Variants in MRPL48 observed in about 807,000 individuals in gnomAD.
MRPL48 encodes the protein mitochondrial ribosomal protein L48, also known as large ribosomal subunit protein mL48.
MRPL48 carries 16 observed loss-of-function variants against 32.9 expected under a neutral mutation model. That is an observed-to-expected ratio of 0.49 (90% CI 0.33 to 0.74). The LOEUF (loss-of-function observed/expected upper bound fraction) is 0.74. Among genes scored for constraint, MRPL48 ranks in the 30% least tolerant of loss-of-function variants. MRPL48 has a pLI of 0.02. For missense variants in MRPL48, 206 were observed against 245.3 expected (o/e 0.84, Z 1.07); for synonymous variants, 94 against 89.2 (o/e 1.05, Z -0.31).
Position 73,844,798 on chromosome 11 carries a change from T to C in MRPL48, c.202-9T>C, listed in dbSNP as rs1425461987. The C allele has an allele frequency of 6.2e-7, 1 of 1,607,280 alleles. No individual in the cohort carries two copies. The highest frequency in any genetic ancestry group is 2.2e-5 in the East Asian group (1 of 44,846). On this transcript the variant is annotated splice_polypyrimidine_tract_variant and intron_variant, in intron 4 of 7. Transcript: ENST00000310614. ...CTTTATTTTCTTTCTCTCTTTGTTT[T>C]CTCTTCAGCCCAAGAAGAAGAAGGG...
intron 5 of MRPL48, among the ~76,000 whole-genome samples, chr11:73,853,706 T>TC (rs1948439198): frequency 9.8e-6 from 1 of 102,276 alleles, no homozygotes; most frequent in Non-Finnish European, 1.8e-5. Flanking sequence ...TTTTTTTTTT[T>TC]TTGAGATGGA....
chr11:73,862,317 G>T (rs1486298061), intron 6 of MRPL48, among the ~76,000 whole-genome samples: 1 of 152,220 alleles, frequency 6.6e-6, no homozygotes, highest in African/African-American at 2.4e-5. Context: ...AGCTACTCAG[G>T]AGGCTGAGGC....
chr11:73,857,482 G>T (rs1948503688), intron 5 of MRPL48, among the ~76,000 whole-genome samples: 1 of 150,558 alleles, frequency 6.6e-6, no homozygotes, highest in African/African-American at 2.4e-5. Flanking sequence ...GTCTCAGTAG[G>T]TTGCCCAGGC....
At chr11:73,817,784 ATATT>A (rs903896296) in intron 3 of MRPL48, 37 of 376,578 alleles carry the variant, frequency 9.8e-5, no homozygotes, top group African/African-American at 6.9e-4. Context: ...GTTCTTTCAG[ATATT>A]TATTTTTGTT....
intron 3 of MRPL48, among the ~76,000 whole-genome samples, chr11:73,808,999 A>G (rs776973460): frequency 2.0e-5 from 3 of 152,002 alleles, no homozygotes; most frequent in Admixed American, 1.3e-4. Context: ...TTAAAAATTA[A>G]CTGGGTGTGG....
intron 3 of MRPL48, among the ~76,000 whole-genome samples, chr11:73,816,256 T>C (rs1012090138): frequency 8.0e-5 from 12 of 149,846 alleles, no homozygotes; most frequent in Non-Finnish European, 1.8e-4. Context: ...AGAGACGGGG[T>C]TTCACCATGT....
chr11:73,864,321 G>A lies in MRPL48; in HGVS notation c.590G>A (p.Arg197Gln), dbSNP rs946713776. The change falls in exon 8 of 8, where the codon CGA becomes CAA. Residue 197 changes from arginine (R) to glutamine (Q), a missense_variant. By Grantham distance (43) the Arg-to-Gln change is conservative. Transcript: ENST00000310614. ...CACACTGAAGAAGACTTCAAGGGAC[G>A]ATTCAAAGCTCGACCAGAACTGGAA... Reference protein sequence around the residue: ...KEHTEEDFKGRFKARPELEEL... With the variant: ...KEHTEEDFKGQFKARPELEEL... 11 of 1,613,842 alleles carry A rather than the reference G, an allele frequency of 6.8e-6. No homozygotes were observed. Among genetic ancestry groups the A allele is most frequent in the African/African-American group, 1.3e-5 (1 of 75,028 alleles).
At chr11:73,821,456 C>G (rs923382495) in intron 3 of MRPL48, among the ~76,000 whole-genome samples, 3 of 152,160 alleles carry the variant, frequency 2.0e-5, no homozygotes, top group African/African-American at 7.2e-5. Context: ...CCTTCCTAAG[C>G]CTTGCCTGTT....
At chr11:73,806,269 A>T (rs1419383132) in intron 2 of MRPL48, among the ~76,000 whole-genome samples, 2 of 152,020 alleles carry the variant, frequency 1.3e-5, no homozygotes, top group African/African-American at 4.8e-5. Context: ...ACCTTCCATA[A>T]TCTGTATCCT....
chr11:73,863,735 G>A (rs1948622907), intron 7 of MRPL48, among the ~76,000 whole-genome samples: 1 of 152,188 alleles, frequency 6.6e-6, no homozygotes, highest in African/African-American at 2.4e-5. Flanking sequence ...AGAACATTAG[G>A]AGTCTTAGCC....
chr11:73,854,543 T>C (rs760888210), intron 5 of MRPL48, among the ~76,000 whole-genome samples: 4 of 152,192 alleles, frequency 2.6e-5, no homozygotes, highest in East Asian at 1.9e-4. Flanking sequence ...CGCCTTGGCC[T>C]CCCAAAGTGC....
intron 3 of MRPL48, among the ~76,000 whole-genome samples, chr11:73,820,187 A>G (rs1344802294): frequency 1.3e-5 from 2 of 152,132 alleles, no homozygotes; most frequent in Non-Finnish European, 2.9e-5. Context: ...CAAACCTTTA[A>G]CAAGGCCCAG....
intron 4 of MRPL48, among the ~76,000 whole-genome samples, chr11:73,835,593 A>T (rs1246561493): frequency 6.6e-6 from 1 of 151,384 alleles, no homozygotes; most frequent in Non-Finnish European, 1.5e-5. Flanking sequence ...ACACTACACA[A>T]CCTCTTTTAA....
intron 1 of MRPL48, among the ~76,000 whole-genome samples, chr11:73,790,730 T>C (rs4548648): frequency 0.085 from 12,847 of 151,730 alleles, 714 homozygotes; most frequent in African/African-American, 0.16. Flanking sequence ...TCTTGCTTTG[T>C]AGCCCAGGCT....
intron 5 of MRPL48, among the ~76,000 whole-genome samples, chr11:73,854,886 C>T (rs185310440): frequency 3.3e-5 from 5 of 152,252 alleles, no homozygotes; most frequent in Non-Finnish European, 4.4e-5. Context: ...AAGCTGGAGC[C>T]AAACTGCCTG....
rs1233985836 is a variant in MRPL48, at chr11:73,844,802, T to G, written c.202-5T>G. 9 of 1,612,002 alleles carry G rather than the reference T, an allele frequency of 5.6e-6. No homozygotes were observed. Among genetic ancestry groups the G allele is most frequent in the Non-Finnish European group, 5.9e-6 (7 of 1,179,500 alleles). On this transcript the variant is annotated splice_polypyrimidine_tract_variant and splice_region_variant and intron_variant, in intron 4 of 7. Transcript: ENST00000310614. ...ATTTTCTTTCTCTCTTTGTTTTCTC[T>G]TCAGCCCAAGAAGAAGAAGGGAAAA...
At position 73,853,859 on chromosome 11, in the gene MRPL48, T is replaced by G. The variant is rs922913437; in HGVS notation, c.372-6048T>G. 6.6e-5 allele frequency among the ~76,000 whole-genome samples: 10 copies of G among 151,728 alleles called. 1 individual carries two copies. The highest frequency in any genetic ancestry group is 5.3e-4 in the Admixed American group (8 of 15,210). On this transcript the variant is annotated intron_variant, in intron 5 of 7. Transcript: ENST00000310614. ...GTCCCTGCCACCACGCCTGGCTAAT[T>G]TTTTGTACTTTTAGTAGGGAGGGGG... is the stretch of plus-strand genomic sequence containing the variant.
At chr11:73,835,429 C>T (rs1330112343) in intron 4 of MRPL48, among the ~76,000 whole-genome samples, 3 of 152,186 alleles carry the variant, frequency 2.0e-5, no homozygotes, top group Middle Eastern at 3.4e-3. Flanking sequence ...CGTGAGCCAC[C>T]GCGCCCACCC....
intron 3 of MRPL48, among the ~76,000 whole-genome samples, chr11:73,814,636 A>G (rs1404365980): frequency 1.3e-5 from 2 of 151,796 alleles, no homozygotes; most frequent in Non-Finnish European, 2.9e-5. Context: ...CGGAGGTTGC[A>G]GTGAGCTGGG....
Sources: gnomAD v4.1 joint callset for allele counts (sites outside exome capture counted in the v4.1 genomes callset) on GRCh38, gnomAD v4.1.1 for gene constraint, MANE v1.5 for transcripts, NCBI Gene and HGNC (gene_info 2026-07-23, HGNC 2026-07-21) for gene names.